SRGAP1: variants seen among roughly 807,000 people sequenced by gnomAD.
The protein encoded by SRGAP1 is SLIT-ROBO Rho GTPase activating protein 1.
SRGAP1 carries 43 observed loss-of-function variants against 121.9 expected under a neutral mutation model. That is an observed-to-expected ratio of 0.35 (90% CI 0.28 to 0.46). The LOEUF (loss-of-function observed/expected upper bound fraction) is 0.46, where lower values mean the gene tolerates loss of function less well. Ranked by LOEUF, SRGAP1 falls within the 20% of genes least tolerant of loss-of-function variation. The pLI, the probability that SRGAP1 is intolerant of heterozygous loss-of-function variation, is 1.00. For missense variants in SRGAP1, 1,102 were observed against 1,350.9 expected, an observed-to-expected ratio of 0.82 and a Z score of 2.89; for synonymous variants, 447 against 485.4, an observed-to-expected ratio of 0.92 and a Z score of 1.04.
At chr12:64,137,959 A>AT (rs1176572330) in intron 21 of SRGAP1, among the ~76,000 whole-genome samples, 121 of 133,622 alleles carry the variant, frequency 9.1e-4, no homozygotes, top group South Asian at 4.4e-3. Context: ...GCTTAAAAAA[A>AT]AAATATATAT....
intron 10 of SRGAP1, among the ~76,000 whole-genome samples, chr12:64,082,816 G>A (rs992190217): frequency 5.3e-5 from 8 of 152,122 alleles, no homozygotes; most frequent in Admixed American, 1.3e-4. Flanking sequence ...CTGTGCTGAC[G>A]TGTATAAAAC....
chr12:64,033,162 T>G (rs1005229163), intron 4 of SRGAP1, among the ~76,000 whole-genome samples: 1 of 152,120 alleles, frequency 6.6e-6, no homozygotes, highest in African/African-American at 2.4e-5. Context: ...TCCCTTTGTT[T>G]TACTTAGTCC....
chr12:64,038,523 A>G, intron 4 of SRGAP1: 1 of 152,178 alleles, frequency 6.6e-6, no homozygotes, highest in Non-Finnish European at 1.5e-5. Context: ...TCCAACACAT[A>G]TAGTTTTCAG....
intron 1 of SRGAP1, among the ~76,000 whole-genome samples, chr12:63,904,623 C>A (rs575806423): frequency 2.8e-4 from 42 of 152,180 alleles, no homozygotes; most frequent in African/African-American, 1.0e-3. Flanking sequence ...TGTTCAAAAT[C>A]CACAAGATAT....
intron 1 of SRGAP1, among the ~76,000 whole-genome samples, chr12:63,882,430 C>T (rs1237923415): frequency 6.6e-6 from 1 of 151,956 alleles, no homozygotes; most frequent in Non-Finnish European, 1.5e-5. Flanking sequence ...TACAGGTAAC[C>T]GCAACCACGC....
intron 9 of SRGAP1, among the ~76,000 whole-genome samples, chr12:64,079,356 A>C (rs2035795616): frequency 6.6e-6 from 1 of 152,082 alleles, no homozygotes; most frequent in Admixed American, 6.6e-5. Context: ...TTAGCTGGGC[A>C]CAGGGGCTCA....
At chr12:64,045,664 G>A (rs2035115389) in intron 6 of SRGAP1, among the ~76,000 whole-genome samples, 1 of 152,076 alleles carries the variant, frequency 6.6e-6, no homozygotes, top group Non-Finnish European at 1.5e-5. Context: ...TCGAACTCCT[G>A]ACCTCGTGAT....
At position 64,151,075 on chromosome 12, in the gene SRGAP1, A is replaced by C. The variant is rs1290883636; in HGVS notation, c.*8403A>C. ...GATGCATTAGGAAAAGAAGGAAAAG[A>C]AATTTTAAGTAAGCCAAAAATCTAT... On this transcript the variant is annotated 3_prime_UTR_variant, in exon 22 of 22. Transcript: ENST00000355086. 2 of 152,094 alleles carry C rather than the reference A, an allele frequency of 1.3e-5. No individual in the cohort carries two copies. Among genetic ancestry groups the C allele is most frequent in the East Asian group, 3.8e-4 (2 of 5,200 alleles). The allele number at this position is 152,094 out of a possible 1,614,324, so 9.4% of individuals were successfully genotyped here.
At chr12:63,902,127 C>T (rs1024346701) in intron 1 of SRGAP1, among the ~76,000 whole-genome samples, 1 of 152,124 alleles carries the variant, frequency 6.6e-6, no homozygotes, top group Non-Finnish European at 1.5e-5. Flanking sequence ...CCAGCCTGGG[C>T]AACATGGTGA....
At position 63,985,832 on chromosome 12, in the gene SRGAP1, C is replaced by T. The variant is rs73317368; in HGVS notation, c.263+1690C>T. On this transcript the variant is annotated intron_variant, in intron 2 of 21. Transcript: ENST00000355086. ...AAACAGAAACCCCTCTACCCACCTT[C>T]ACAGGGCACAACAAGAAGACCTGGC... Among the ~76,000 whole-genome samples, 712 of 152,270 alleles carry T rather than the reference C, an allele frequency of 4.7e-3. 5 individuals carry two copies. The highest frequency in any genetic ancestry group is 0.016 in the African/African-American group (670 of 41,570).
At position 64,160,236 on chromosome 12, in the gene SRGAP1, T is replaced by C. The variant is rs1002428421; in HGVS notation, c.*17564T>C. 5 of 152,210 alleles carry C rather than the reference T, an allele frequency of 3.3e-5. No individual in the cohort carries two copies. The highest frequency in any genetic ancestry group is 5.9e-5 in the Non-Finnish European group (4 of 68,044). The allele number at this position is 152,210 out of a possible 1,614,324, so 9.4% of individuals were successfully genotyped here. Reference sequence around the variant, plus strand: ...GGTTCCACTATTTCCTGGAACCTCATACAGCCATCTCAGCTAGTCATGACT... The same window carrying C: ...GGTTCCACTATTTCCTGGAACCTCACACAGCCATCTCAGCTAGTCATGACT... On this transcript the variant is annotated 3_prime_UTR_variant, in exon 22 of 22. Coordinates refer to ENST00000355086, the MANE Select transcript of SRGAP1 (RefSeq NM_020762.4).
At chr12:64,142,179 T>G in intron 21 of SRGAP1, 116 bp from the exon 22 acceptor site, 1 of 1,021,376 alleles carries the variant, frequency 9.8e-7, no homozygotes, top group Non-Finnish European at 1.4e-6. Context: ...GACTATGGAG[T>G]CAAAGATATC....
At chr12:63,965,118 G>T (rs1328804587) in intron 1 of SRGAP1, among the ~76,000 whole-genome samples, 1 of 152,132 alleles carries the variant, frequency 6.6e-6, no homozygotes, top group Non-Finnish European at 1.5e-5. Flanking sequence ...TGTGCTTTGG[G>T]ACTGTTATAA....
chr12:64,023,826 C>T (rs188940798), intron 4 of SRGAP1, among the ~76,000 whole-genome samples: 3 of 152,292 alleles, frequency 2.0e-5, no homozygotes, highest in Admixed American at 6.5e-5. Context: ...GCAGGTATGC[C>T]TAATCTCAGG....
intron 1 of SRGAP1, among the ~76,000 whole-genome samples, chr12:63,924,354 A>T (rs566095220): frequency 1.8e-4 from 27 of 152,266 alleles, no homozygotes; most frequent in Non-Finnish European, 3.1e-4. Flanking sequence ...AGTACCTCTC[A>T]TCCCAACCTA....
chr12:64,085,038 T>TAA (rs1349090880), intron 10 of SRGAP1, among the ~76,000 whole-genome samples: 2 of 152,132 alleles, frequency 1.3e-5, no homozygotes, highest in East Asian at 3.8e-4. Context: ...AAAAAAGACT[T>TAA]ACGTTTTTAA....
chr12:63,985,764 T>C (rs1161828597), intron 2 of SRGAP1, among the ~76,000 whole-genome samples: 1 of 152,090 alleles, frequency 6.6e-6, no homozygotes, highest in African/African-American at 2.4e-5. Context: ...CCCATTGCAT[T>C]GCATCCCAGA....
At chr12:63,944,297 T>C (rs540663115) in intron 1 of SRGAP1, among the ~76,000 whole-genome samples, 23 of 152,294 alleles carry the variant, frequency 1.5e-4, no homozygotes, top group African/African-American at 4.8e-4. Context: ...ATTGAAGGGC[T>C]TGTAAACAAC....
chr12:64,043,846 G>A (rs1350997433), intron 6 of SRGAP1, among the ~76,000 whole-genome samples: 1 of 152,138 alleles, frequency 6.6e-6, no homozygotes, highest in Non-Finnish European at 1.5e-5. Flanking sequence ...CTAAGACAGG[G>A]CCCAGTCATT....
Sources: allele counts gnomAD v4.1 joint callset (sites outside exome capture counted in the v4.1 genomes callset), GRCh38; gene constraint gnomAD v4.1.1; transcripts MANE v1.5; gene names NCBI Gene and HGNC (gene_info 2026-07-23, HGNC 2026-07-21).